CA4: variants seen among roughly 807,000 people sequenced by gnomAD.
CA4 encodes carbonic anhydrase 4, also known as CA-IV.
In CA4, 24 loss-of-function variants were observed where a neutral mutation model predicts 34.5. The ratio of observed to expected loss-of-function variants is 0.70; its 90% CI spans 0.50 to 0.98. The LOEUF (loss-of-function observed/expected upper bound fraction) is 0.98. Ranked by LOEUF, CA4 falls within the 50% of genes least tolerant of loss-of-function variation. The pLI is 0.00. For missense variants in CA4, 394 were observed against 396.7 expected (o/e 0.99, Z 0.06); for synonymous variants, 178 against 170.6 (o/e 1.04, Z -0.34).
intron 5 of CA4, 72 bp downstream of exon 5, chr17:60,157,860 G>A (rs1309967715): frequency 6.6e-7 from 1 of 1,521,504 alleles, no homozygotes; most frequent in East Asian, 2.3e-5. Flanking sequence ...AGAGACCTGG[G>A]ACTCCAGCGA....
At chr17:60,166,033 C>T (rs1173347953) in intron 5 of CA4, among the ~76,000 whole-genome samples, 1 of 152,146 alleles carries the variant, frequency 6.6e-6, no homozygotes, top group Admixed American at 6.5e-5. Flanking sequence ...AGACTGACAG[C>T]CCAGGCCTGC....
chr17:60,161,883 T>A (rs918803504), downstream of CA4, among the ~76,000 whole-genome samples: 1 of 152,022 alleles, frequency 6.6e-6, no homozygotes, highest in Non-Finnish European at 1.5e-5. Flanking sequence ...CCCCAAAGGA[T>A]CAGGGCTCTG....
Position 60,159,175 on chromosome 17 carries a change from G to A in CA4, c.745-55G>A, listed in dbSNP as rs1032238872. ...ATGAGGTGCCTGCCTGAGGTCACAC[G>A]GCAGGGAGTGCAGCTCCCCCTGCCC... On this transcript the variant is annotated intron_variant, in intron 7 of 7. Coordinates refer to ENST00000300900, the MANE Select transcript of CA4 (RefSeq NM_000717.5). 8.4e-5 allele frequency: 126 copies of A among 1,501,468 alleles called. No individual in the cohort carries two copies. The East Asian group carries it at 1.5e-3, about 18-fold the overall frequency. The allele number at this position is 1,501,468 out of a possible 1,614,324, so 93.0% of individuals were successfully genotyped here.
downstream of CA4, among the ~76,000 whole-genome samples, chr17:60,161,174 G>A (rs2083784263): frequency 2.0e-5 from 3 of 152,028 alleles, no homozygotes; most frequent in Admixed American, 2.0e-4. Flanking sequence ...CATCTCTAAT[G>A]GGTTGTTTTC....
At chr17:60,177,738 C>T in the CA4 span, among the ~76,000 whole-genome samples, 16 of 152,166 alleles carry the variant, frequency 1.1e-4, no homozygotes, top group African/African-American at 3.9e-4. Flanking sequence ...ATTTAGGTAG[C>T]CATTTAAGAT....
rs1033848541 is a variant in CA4 at position 60,158,073 on chromosome 17, G to C, written c.526G>C (p.Val176Leu). ...LAFLVEAGTQ[V>L]NEGFQPLVEA... The stretch of plus-strand genomic sequence containing the variant: ...CCTCCCTTTCCAGGCTGGAACCCAG[G>C]TGAACGAGGGCTTCCAGCCACTGGT... Residue 176 changes from valine (V) to leucine (L), a missense_variant, in exon 6 of 8, where the codon GTG (valine) becomes CTG (leucine). Coordinates refer to ENST00000300900, the MANE Select transcript of CA4 (RefSeq NM_000717.5). 6.2e-7 allele frequency: 1 copy of C among 1,613,836 alleles called. No individual in the cohort carries two copies. The highest frequency in any genetic ancestry group is 8.5e-7 in the Non-Finnish European group (1 of 1,179,922).
chr17:60,164,053 C>T (rs559189086), downstream of CA4, among the ~76,000 whole-genome samples: 13 of 151,510 alleles, frequency 8.6e-5, no homozygotes, highest in South Asian at 1.9e-3. Context: ...GGCTTAAGCC[C>T]AGGAGTGCAG....
chr17:60,167,256 G>T (rs1432068101), intron 5 of CA4, among the ~76,000 whole-genome samples: 1 of 152,106 alleles, frequency 6.6e-6, no homozygotes, highest in Non-Finnish European at 1.5e-5. Context: ...TGCAGAAATC[G>T]CCAGGCCAGT....
chr17:60,158,201 G>A (rs913554076), intron 6 of CA4, 74 bp downstream of exon 6: 32 of 1,604,726 alleles, frequency 2.0e-5, no homozygotes, highest in African/African-American at 1.5e-4. Flanking sequence ...GTGGGTGTGC[G>A]GGGAGCTGGG....
rs774319463 is a variant in CA4, at chr17:60,158,126, T to C, written c.579T>C (p.Pro193=). The part of the protein sequence containing the change: ...LVEALSNIPK[P]EMSTTMAESS... ...AGGCACTGTCTAATATCCCCAAACCTGGTGAGTCAGGATGGGGGAGAAGGG... is the reference window on the plus strand; with the variant it reads ...AGGCACTGTCTAATATCCCCAAACCCGGTGAGTCAGGATGGGGGAGAAGGG... Residue 193 remains proline (P), a splice_region_variant and synonymous_variant, in exon 6 of 8, where the codon CCT becomes CCC. Coordinates refer to ENST00000300900, the MANE Select transcript of CA4 (RefSeq NM_000717.5). 1.2e-6 allele frequency: 2 copies of C among 1,603,342 alleles called. No individual in the cohort carries two copies. The highest frequency in any genetic ancestry group is 2.2e-5 in the South Asian group (2 of 90,726).
intron 2 of CA4, among the ~76,000 whole-genome samples, chr17:60,155,577 TCA>T (rs1208697478): frequency 1.5e-5 from 2 of 133,284 alleles, no homozygotes; most frequent in Admixed American, 1.4e-4. Flanking sequence ...ACACACACAC[TCA>T]CACAGAAACA....
chr17:60,165,180 A>C (rs1305786655), intron 5 of CA4, among the ~76,000 whole-genome samples: 1 of 152,228 alleles, frequency 6.6e-6, no homozygotes, highest in Non-Finnish European at 1.5e-5. Context: ...AGAGTGATGC[A>C]TAATGAACTC....
At position 60,156,685 on chromosome 17, in the gene CA4, A is replaced by T; in HGVS notation, c.238A>T (p.Thr80Ser). 2 of 1,614,166 alleles carry T rather than the reference A, an allele frequency of 1.2e-6. No individual in the cohort carries two copies. Among genetic ancestry groups the T allele is most frequent in the Non-Finnish European group, 1.7e-6 (2 of 1,180,010 alleles). ...CTTCTCTGGCTACGATAAGAAGCAA[A>T]CGTGGACTGTCCAAAATAACGGGCA... ...FFFSGYDKKQ[T>S]WTVQNNGHSV... Residue 80 changes from threonine (T) to serine (S), a missense_variant, in exon 3 of 8, where the codon ACG becomes TCG. Physicochemically the swap from Thr to Ser is moderately conservative, Grantham distance 58. Coordinates refer to ENST00000300900, the MANE Select transcript of CA4 (RefSeq NM_000717.5).
Position 60,156,596 on chromosome 17 carries a change from G to A in CA4, c.149G>A (p.Arg50His), listed in dbSNP as rs777463944. 151 of 1,614,020 alleles carry A rather than the reference G, an allele frequency of 9.4e-5. No homozygotes were observed. Among genetic ancestry groups the A allele is most frequent in the Non-Finnish European group, 1.1e-4 (131 of 1,179,964 alleles). The stretch of plus-strand genomic sequence containing the variant: ...TGGGGTGGAAACTGCCAGAAGGACC[G>A]CCAGTCCCCCATCAACATCGTCACC... Reference protein sequence around the residue: ...VKWGGNCQKDRQSPINIVTTK... With the variant: ...VKWGGNCQKDHQSPINIVTTK... The change falls in exon 3 of 8, where the codon CGC becomes CAC. Residue 50 changes from arginine (R) to histidine (H), a missense_variant. Transcript: ENST00000300900.
intron 7 of CA4, 26 bp from the exon 8 acceptor site, chr17:60,159,203 AC>A: frequency 6.3e-7 from 1 of 1,576,000 alleles, no homozygotes; most frequent in Non-Finnish European, 8.6e-7. Flanking sequence ...CCCTGCCCCG[AC>A]CTGCTGAGCC....
chr17:60,153,439 C>T (rs909490345), intron 1 of CA4, among the ~76,000 whole-genome samples: 3 of 152,230 alleles, frequency 2.0e-5, no homozygotes, highest in Admixed American at 6.5e-5. Context: ...ATATATACAA[C>T]GCATTGAATG....
the CA4 span, among the ~76,000 whole-genome samples, chr17:60,178,739 G>A: frequency 3.3e-5 from 5 of 152,290 alleles, no homozygotes; most frequent in East Asian, 1.9e-4. Context: ...AAAAATCCTC[G>A]TCCATGCCTT....
chr17:60,157,684 G>T lies in CA4; in HGVS notation c.415-6G>T, dbSNP rs778681319. 1.1e-5 allele frequency: 17 copies of T among 1,613,266 alleles called. No homozygotes were observed. The African/African-American group carries it at 1.5e-4, about 14-fold the overall frequency. On this transcript the variant is annotated splice_region_variant and splice_polypyrimidine_tract_variant and intron_variant, in intron 4 of 7. Transcript: ENST00000300900. ...GGTCCCCTTTTCACCCCTCCACCCC[G>T]ACCAGATGCACATAGTACATGAGAA... is the stretch of plus-strand genomic sequence containing the variant.
chr17:60,152,276 A>G (rs1377456280), intron 1 of CA4, among the ~76,000 whole-genome samples: 1 of 151,800 alleles, frequency 6.6e-6, no homozygotes, highest in East Asian at 1.9e-4. Flanking sequence ...TCATTCAACG[A>G]AGACAGGAAC....
Sources: gnomAD v4.1 joint callset for allele counts (sites outside exome capture counted in the v4.1 genomes callset) on GRCh38, gnomAD v4.1.1 for gene constraint, MANE v1.5 for transcripts, NCBI Gene and HGNC (gene_info 2026-07-23, HGNC 2026-07-21) for gene names.